The following EXOC6 variants were observed in gnomAD, a reference collection of about 807,000 sequenced individuals.
EXOC6 encodes exocyst complex component 6.
A neutral mutation model predicts 112.5 loss-of-function variants in EXOC6; 60 were observed. The ratio of observed to expected loss-of-function variants is 0.53; its 90% CI spans 0.43 to 0.66. The LOEUF (loss-of-function observed/expected upper bound fraction) is 0.66, where lower values mean the gene tolerates loss of function less well. Ranked by LOEUF, EXOC6 falls within the 30% of genes least tolerant of loss-of-function variation. The pLI, the probability that EXOC6 is intolerant of heterozygous loss-of-function variation, is 0.00. For missense variants in EXOC6, 855 were observed against 957.1 expected, an observed-to-expected ratio of 0.89 and a Z score of 1.41; for synonymous variants, 295 against 308.0, an observed-to-expected ratio of 0.96 and a Z score of 0.44.
intron 19 of EXOC6, among the ~76,000 whole-genome samples, chr10:92,998,186 T>G (rs1843583740): frequency 6.6e-6 from 1 of 152,188 alleles, no homozygotes; most frequent in African/African-American, 2.4e-5. Flanking sequence ...TGCTATTTGG[T>G]CATTAGCCTT....
At chr10:92,976,951 A>G (rs1167483127) in intron 18 of EXOC6, among the ~76,000 whole-genome samples, 1 of 152,256 alleles carries the variant, frequency 6.6e-6, no homozygotes, top group Non-Finnish European at 1.5e-5. Flanking sequence ...ACATACTCTT[A>G]CTAGGTATAT....
chr10:93,035,096 A>G (rs900233607), intron 20 of EXOC6, among the ~76,000 whole-genome samples: 1 of 152,360 alleles, frequency 6.6e-6, no homozygotes, highest in East Asian at 1.9e-4. Context: ...GACATCTCAC[A>G]AAGTTTACCT....
At chr10:93,053,271 C>T (rs1164524996) in intron 20 of EXOC6, among the ~76,000 whole-genome samples, 1 of 152,178 alleles carries the variant, frequency 6.6e-6, no homozygotes, top group Admixed American at 6.5e-5. Flanking sequence ...GCATGGATAG[C>T]TGCCTGTGGA....
intron 20 of EXOC6, among the ~76,000 whole-genome samples, chr10:93,040,507 A>G (rs977162154): frequency 1.3e-5 from 2 of 152,216 alleles, no homozygotes; most frequent in African/African-American, 2.4e-5. Context: ...TTGGCCTCCC[A>G]AAGTGCTGGG....
chr10:92,891,746 G>C (rs927810308), intron 1 of EXOC6, among the ~76,000 whole-genome samples: 1 of 152,118 alleles, frequency 6.6e-6, no homozygotes, highest in African/African-American at 2.4e-5. Flanking sequence ...CTCCCAAAAT[G>C]CTGGGATTAC....
intron 15 of EXOC6, among the ~76,000 whole-genome samples, chr10:92,952,698 T>C (rs950195111): frequency 4.6e-5 from 7 of 152,180 alleles, no homozygotes; most frequent in Non-Finnish European, 1.0e-4. Context: ...AAACATGCAG[T>C]ATTTGGTTTT....
chr10:93,029,864 GC>G (rs1845193462), intron 20 of EXOC6, among the ~76,000 whole-genome samples: 1 of 151,382 alleles, frequency 6.6e-6, no homozygotes, highest in African/African-American at 2.4e-5. Context: ...AATTGACCTA[GC>G]ATCATTTATT....
chr10:93,014,377 A>G, intron 20 of EXOC6, 110 bp downstream of exon 20: 1 of 805,286 alleles, frequency 1.2e-6, no homozygotes, highest in Non-Finnish European at 2.1e-6. Context: ...GAAACAACCT[A>G]TCTTAAGAAA....
chr10:93,021,254 G>T (rs1334564177), intron 20 of EXOC6, among the ~76,000 whole-genome samples: 1 of 152,056 alleles, frequency 6.6e-6, no homozygotes, highest in East Asian at 1.9e-4. Context: ...GCTGAGGTAG[G>T]AGGATCACTT....
At chr10:92,912,701 T>C (rs776852604) in intron 6 of EXOC6, among the ~76,000 whole-genome samples, 5 of 152,150 alleles carry the variant, frequency 3.3e-5, no homozygotes, top group Admixed American at 6.5e-5. Flanking sequence ...GCAGTAACAG[T>C]TGCAGCAAAA....
upstream of EXOC6, chr10:92,848,479 GC>G: frequency 1.7e-6 from 2 of 1,186,440 alleles, no homozygotes; most frequent in Non-Finnish European, 1.1e-6. Flanking sequence ...CTTGGAGCTC[GC>G]CCCCGTCGTT....
intron 1 of EXOC6, among the ~76,000 whole-genome samples, chr10:92,883,532 A>AG (rs1470069802): frequency 6.6e-6 from 1 of 152,200 alleles, no homozygotes; most frequent in Non-Finnish European, 1.5e-5. Flanking sequence ...TTGCTAAAGA[A>AG]GTATCATATG....
intron 20 of EXOC6, among the ~76,000 whole-genome samples, chr10:93,041,650 G>A (rs1265733806): frequency 6.6e-6 from 1 of 152,154 alleles, no homozygotes; most frequent in African/African-American, 2.4e-5. Context: ...TTGACCTCAA[G>A]TGATCTGCCT....
At chr10:93,038,523 A>G (rs776418085) in intron 20 of EXOC6, among the ~76,000 whole-genome samples, 1 of 152,226 alleles carries the variant, frequency 6.6e-6, no homozygotes, top group African/African-American at 2.4e-5. Context: ...CTGAAAGTCA[A>G]CTTCTACTTT....
intron 20 of EXOC6, among the ~76,000 whole-genome samples, chr10:93,029,271 A>C (rs1845166043): frequency 6.6e-6 from 1 of 152,226 alleles, no homozygotes; most frequent in African/African-American, 2.4e-5. Context: ...ACTTTCATTT[A>C]CACTGGGTAA....
intron 8 of EXOC6, among the ~76,000 whole-genome samples, chr10:92,925,219 G>A (rs558755948): frequency 9.2e-5 from 14 of 152,194 alleles, no homozygotes; most frequent in Admixed American, 3.3e-4. Flanking sequence ...CTGATTTATT[G>A]TCTTGATTTT....
chr10:93,010,524 C>T (rs1468084793), intron 19 of EXOC6, among the ~76,000 whole-genome samples: 2 of 151,830 alleles, frequency 1.3e-5, no homozygotes, highest in Non-Finnish European at 2.9e-5. Flanking sequence ...CATGGTGAAA[C>T]CCTCTCTCTA....
chr10:92,839,517 A>G (rs1482221897), intron 1 of EXOC6, among the ~76,000 whole-genome samples: 1 of 152,200 alleles, frequency 6.6e-6, no homozygotes, highest in Non-Finnish European at 1.5e-5. Context: ...TGACGGTAGT[A>G]TGGTCCTAGG....
chr10:92,999,926 ACTC>A (rs1017407638), intron 19 of EXOC6, among the ~76,000 whole-genome samples: 10 of 151,852 alleles, frequency 6.6e-5, no homozygotes, highest in African/African-American at 2.4e-4. Flanking sequence ...CTGGTCTCAA[ACTC>A]CTAACCTCAG....
Sources: allele counts gnomAD v4.1 joint callset (sites outside exome capture counted in the v4.1 genomes callset), GRCh38; gene constraint gnomAD v4.1.1; transcripts MANE v1.5; gene names NCBI Gene and HGNC (gene_info 2026-07-23, HGNC 2026-07-21).